PTPN5: variants seen among roughly 807,000 people sequenced by gnomAD.
The protein encoded by PTPN5 is tyrosine-protein phosphatase non-receptor type 5.
PTPN5 carries 29 observed loss-of-function variants against 73.9 expected under a neutral mutation model. The observed-to-expected ratio is 0.39, with a 90% CI of 0.29 to 0.54. The LOEUF (loss-of-function observed/expected upper bound fraction) is 0.54. Ranked by LOEUF, PTPN5 falls within the 20% of genes least tolerant of loss-of-function variation. The probability of loss-of-function intolerance (pLI) is 0.65; values close to 1 mark genes in which losing one functional copy is unlikely to be tolerated. For missense variants in PTPN5, 652 were observed against 751.4 expected, an observed-to-expected ratio of 0.87 and a Z score of 1.55; for synonymous variants, 267 against 304.7, an observed-to-expected ratio of 0.88 and a Z score of 1.29.
chr11:18,729,405 C>T lies in PTPN5; in HGVS notation c.1604+48G>A, dbSNP rs763005462. ...ATGTGGGTCTCTCCCTCTACCCGCTCGGGGCTCTAGCTCCCTTGTGTGTCC... is the reference window on the plus strand; with the variant it reads ...ATGTGGGTCTCTCCCTCTACCCGCTTGGGGCTCTAGCTCCCTTGTGTGTCC... On this transcript the variant is annotated intron_variant, in intron 14 of 14. Coordinates refer to ENST00000358540, the MANE Select transcript of PTPN5 (RefSeq NM_006906.2). This position sits in a 1 kb window ranked among gnomAD's most constrained non-coding sequence, Gnocchi z 5.2. The T allele has an allele frequency of 2.8e-5, 26 of 925,560 alleles. No homozygotes were observed. In the East Asian group the frequency reaches 3.6e-4, roughly 13 times the overall value. The allele number at this position is 925,560 out of a possible 1,614,324, so 57.3% of individuals were successfully genotyped here.
chr11:18,767,986 C>A (rs1850712818), intron 2 of PTPN5, among the ~76,000 whole-genome samples: 1 of 152,168 alleles, frequency 6.6e-6, no homozygotes, highest in African/African-American at 2.4e-5. Flanking sequence ...GTAATATATG[C>A]CATTATTCAA....
At chr11:18,758,441 C>G (rs12364103) in intron 3 of PTPN5, among the ~76,000 whole-genome samples, 57,030 of 152,008 alleles carry the variant, frequency 0.38, 12,246 homozygotes, top group Admixed American at 0.54. Flanking sequence ...AAGCTTTCTC[C>G]GACATTCTAT....
chr11:18,733,576 T>C lies in PTPN5; in HGVS notation c.1060A>G (p.Ile354Val), dbSNP rs1848988641. The C allele has an allele frequency of 6.2e-7, 1 of 1,614,180 alleles. No homozygotes were observed. Among genetic ancestry groups the C allele is most frequent in the Non-Finnish European group, 8.5e-7 (1 of 1,180,030 alleles). The change falls in exon 10 of 15, where the codon ATC (isoleucine) becomes GTC (valine). Residue 354 changes from isoleucine (I) to valine (V), a missense_variant. Around this residue, in one of 3 missense-constraint regions of PTPN5, gnomAD observed 529 missense variants for 573.9 expected, o/e 0.92. Transcript: ENST00000358540. This position sits in a 1 kb window ranked among gnomAD's most constrained non-coding sequence, Gnocchi z 4.3. The part of the protein sequence containing the change: ...PDPDDPLSSY[I>V]NANYIRGYGG... The stretch of plus-strand genomic sequence containing the variant: ...CGTACCCGGATGTAGTTGGCATTGA[T>C]GTAGGAACTCAGAGGGTCGTCAGGG...
At chr11:18,765,609 C>T (rs1392193977) in intron 3 of PTPN5, among the ~76,000 whole-genome samples, 198 bp downstream of exon 3, 1 of 152,232 alleles carries the variant, frequency 6.6e-6, no homozygotes, top group Non-Finnish European at 1.5e-5. Context: ...CCTAGAGCAG[C>T]TCCAAGTGAT....
chr11:18,731,079 A>T (rs1848850098), intron 12 of PTPN5, among the ~76,000 whole-genome samples: 1 of 151,738 alleles, frequency 6.6e-6, no homozygotes, highest in South Asian at 2.1e-4. Context: ...CATGTACAGG[A>T]AGCCCTCCCT....
intron 2 of PTPN5, among the ~76,000 whole-genome samples, chr11:18,770,035 T>C (rs1247122508): frequency 6.6e-6 from 1 of 152,142 alleles, no homozygotes; most frequent in Non-Finnish European, 1.5e-5. Context: ...TGGGTAGGTC[T>C]GTAACACGAA....
chr11:18,773,242 C>T (rs1411190867), intron 1 of PTPN5, among the ~76,000 whole-genome samples: 1 of 150,918 alleles, frequency 6.6e-6, no homozygotes, highest in Non-Finnish European at 1.5e-5. Flanking sequence ...AGGCCAAGTT[C>T]CTGGAGGAGC....
intron 1 of PTPN5, among the ~76,000 whole-genome samples, chr11:18,781,859 G>A (rs1590621019): frequency 6.6e-6 from 1 of 152,118 alleles, no homozygotes; most frequent in East Asian, 1.9e-4. Context: ...GCACTCAGGA[G>A]GGCACAAAAA....
chr11:18,786,025 C>A (rs1851651344), intron 1 of PTPN5, among the ~76,000 whole-genome samples: 1 of 152,106 alleles, frequency 6.6e-6, no homozygotes, highest in Non-Finnish European at 1.5e-5. Context: ...TCAATGGGGA[C>A]AAAGGAAGGA....
chr11:18,736,984 A>C (rs561828747), intron 9 of PTPN5, among the ~76,000 whole-genome samples: 30 of 152,298 alleles, frequency 2.0e-4, no homozygotes, highest in African/African-American at 7.0e-4. Context: ...TAGCAACTAC[A>C]AGTCGATATT....
intron 3 of PTPN5, among the ~76,000 whole-genome samples, chr11:18,754,410 T>C (rs1564908477): frequency 6.6e-6 from 1 of 152,208 alleles, no homozygotes; most frequent in Non-Finnish European, 1.5e-5. Flanking sequence ...TCCTCCGAGC[T>C]GGTTCACCAA....
chr11:18,776,206 T>C (rs1193164486), intron 1 of PTPN5, among the ~76,000 whole-genome samples: 1 of 152,206 alleles, frequency 6.6e-6, no homozygotes, highest in Non-Finnish European at 1.5e-5. Flanking sequence ...ACACTTCTTG[T>C]GGGCGTCTTC....
chr11:18,789,762 A>T (rs966817981), intron 1 of PTPN5, among the ~76,000 whole-genome samples: 4 of 152,218 alleles, frequency 2.6e-5, no homozygotes, highest in African/African-American at 9.6e-5. Flanking sequence ...CAAAGGCATA[A>T]GAATGACACA....
chr11:18,766,286 A>G (rs187739630), intron 2 of PTPN5, among the ~76,000 whole-genome samples: 1 of 152,328 alleles, frequency 6.6e-6, no homozygotes, highest in East Asian at 1.9e-4. Flanking sequence ...ACACAGCTCA[A>G]TAGAATAGAG....
At chr11:18,782,239 T>C (rs1202842619) in intron 1 of PTPN5, among the ~76,000 whole-genome samples, 10 of 152,146 alleles carry the variant, frequency 6.6e-5, no homozygotes, top group Non-Finnish European at 5.9e-5. Context: ...GTCTTTTTTT[T>C]TTTTTGGAGA....
chr11:18,774,193 C>T (rs1421287590), intron 1 of PTPN5, among the ~76,000 whole-genome samples: 2 of 152,196 alleles, frequency 1.3e-5, no homozygotes, highest in African/African-American at 2.4e-5. Flanking sequence ...CACAGGATGG[C>T]GGTGAAGATC....
At chr11:18,731,098 C>G (rs908670937) in intron 12 of PTPN5, among the ~76,000 whole-genome samples, 8 of 151,266 alleles carry the variant, frequency 5.3e-5, no homozygotes, top group Non-Finnish European at 1.2e-4. Flanking sequence ...CTGAGCACAT[C>G]AGCTGGCAGA....
chr11:18,729,695 C>A lies in PTPN5; in HGVS notation c.1453G>T (p.Glu485Ter), dbSNP rs745756019. The change falls in exon 13 of 15, where the codon GAG (glutamate) becomes TAG (stop). Residue 485 changes from glutamate (E) to a stop codon, truncating the protein, a stop_gained. Transcript: ENST00000358540. LOFTEE classifies it high-confidence loss of function. This position sits in a 1 kb window ranked among gnomAD's most constrained non-coding sequence, Gnocchi z 5.2. ...VREVEEAAQQ[E>*]GPHCAPIIVH... ...ATGATGGGGGCACAGTGGGGCCCCT[C>A]CTGCTGGGCTGCCTCCTCCACCTCC... 1 of 1,581,500 alleles carries A rather than the reference C, an allele frequency of 6.3e-7. No homozygotes were observed. Among genetic ancestry groups the A allele is most frequent in the Non-Finnish European group, 8.6e-7 (1 of 1,161,266 alleles).
At chr11:18,768,571 G>A (rs1418721297) in intron 2 of PTPN5, among the ~76,000 whole-genome samples, 1 of 152,170 alleles carries the variant, frequency 6.6e-6, no homozygotes, top group East Asian at 1.9e-4. Context: ...AGCCTCTCAG[G>A]CCCCAAGCTG....
Sources: allele counts gnomAD v4.1 joint callset (sites outside exome capture counted in the v4.1 genomes callset), GRCh38; gene constraint gnomAD v4.1.1; regional missense constraint gnomAD v4.1.1; non-coding constraint Gnocchi (gnomAD v3.1); transcripts MANE v1.5; gene names NCBI Gene and HGNC (gene_info 2026-07-23, HGNC 2026-07-21).